The following CNTNAP2 variants were observed in gnomAD, a reference collection of about 807,000 sequenced individuals.
CNTNAP2 encodes the protein contactin associated protein 2, also known as contactin-associated protein-like 2.
Under a neutral mutation model 155.2 loss-of-function variants are expected in CNTNAP2, and 98 were observed. The observed-to-expected ratio is 0.63, with a 90% CI of 0.54 to 0.75. CNTNAP2 has a LOEUF of 0.75. Among genes scored for constraint, CNTNAP2 ranks in the 30% least tolerant of loss-of-function variants. The probability of loss-of-function intolerance (pLI) is 0.00; values close to 1 mark genes in which losing one functional copy is unlikely to be tolerated. For synonymous variants in CNTNAP2, 651 were observed against 631.2 expected (o/e 1.03, Z -0.47); for missense variants, 1,727 against 1,688.1 (o/e 1.02, Z -0.40).
intron 1 of CNTNAP2, among the ~76,000 whole-genome samples, chr7:146,622,231 ATATG>A (rs1226442520): frequency 6.8e-6 from 1 of 146,490 alleles, no homozygotes; most frequent in African/African-American, 2.5e-5. Flanking sequence ...GTGTATATAT[ATATG>A]TGTGTGTATA....
At chr7:147,409,900 TAAC>T (rs1797074606) in intron 10 of CNTNAP2, among the ~76,000 whole-genome samples, 4 of 151,206 alleles carry the variant, frequency 2.6e-5, no homozygotes, top group Non-Finnish European at 1.5e-5. Flanking sequence ...CGTCAGAAAA[TAAC>T]AAATACTGGC....
At chr7:148,375,485 G>C (rs1197457049) in intron 21 of CNTNAP2, among the ~76,000 whole-genome samples, 1 of 150,242 alleles carries the variant, frequency 6.7e-6, no homozygotes, top group Non-Finnish European at 1.5e-5. Context: ...TCAGCCTCCC[G>C]AGTAGCTGGG....
At chr7:148,006,258 C>A (rs1416744024) in intron 15 of CNTNAP2, among the ~76,000 whole-genome samples, 1 of 151,304 alleles carries the variant, frequency 6.6e-6, no homozygotes, top group East Asian at 1.9e-4. Flanking sequence ...AAAAACAATA[C>A]TCTGTGAGAA....
chr7:148,142,298 C>A (rs989091681), intron 16 of CNTNAP2, among the ~76,000 whole-genome samples: 1 of 151,980 alleles, frequency 6.6e-6, no homozygotes, highest in Non-Finnish European at 1.5e-5. Context: ...ATTCCCATGG[C>A]GACCTTATTT....
At chr7:146,999,328 A>G (rs763450620) in intron 3 of CNTNAP2, among the ~76,000 whole-genome samples, 13 of 150,976 alleles carry the variant, frequency 8.6e-5, no homozygotes, top group Non-Finnish European at 1.8e-4. Flanking sequence ...TTTTGATGTC[A>G]CAATTTACAT....
intron 1 of CNTNAP2, among the ~76,000 whole-genome samples, chr7:146,693,376 A>T (rs1291593034): frequency 1.3e-5 from 2 of 152,060 alleles, no homozygotes; most frequent in Non-Finnish European, 2.9e-5. Flanking sequence ...AATTTATTCA[A>T]TCAAAATTTT....
At chr7:146,524,866 G>A (rs567979700) in intron 1 of CNTNAP2, among the ~76,000 whole-genome samples, 1 of 152,006 alleles carries the variant, frequency 6.6e-6, no homozygotes, top group Non-Finnish European at 1.5e-5. Context: ...CATTATTTCA[G>A]TTAAGGAGAG....
intron 8 of CNTNAP2, among the ~76,000 whole-genome samples, chr7:147,256,338 G>C (rs185335470): frequency 1.3e-5 from 2 of 152,046 alleles, no homozygotes. Context: ...AAAGCCTACC[G>C]AAGGGGTGTT....
intron 13 of CNTNAP2, among the ~76,000 whole-genome samples, chr7:147,647,487 C>T (rs76612561): frequency 0.011 from 1,670 of 152,278 alleles, 33 homozygotes; most frequent in African/African-American, 0.038. Context: ...TTCTTACCCA[C>T]GGTGATCACC....
At chr7:146,617,943 A>G (rs1799253943) in intron 1 of CNTNAP2, among the ~76,000 whole-genome samples, 1 of 152,198 alleles carries the variant, frequency 6.6e-6, no homozygotes, top group Non-Finnish European at 1.5e-5. Context: ...CCTGATTTAA[A>G]ATAATATATA....
chr7:147,199,022 C>T lies in CNTNAP2; in HGVS notation c.1348+66513C>T, dbSNP rs1310988601. The stretch of plus-strand genomic sequence containing the variant: ...TGTCACCCAGGCTGGAGTGCAATGG[C>T]GTGGTCTCAGCTCACTGCAACCTTC... On this transcript the variant is annotated intron_variant, in intron 8 of 23. Transcript: ENST00000361727. 3.4e-4 allele frequency among the ~76,000 whole-genome samples: 48 copies of T among 139,520 alleles called. 1 individual carries two copies. The highest frequency in any genetic ancestry group is 3.0e-5 in the Non-Finnish European group (2 of 66,538). 91.5% of individuals were successfully genotyped at this position (139,520 alleles called of 152,430 possible).
At chr7:147,007,706 A>G (rs1584779793) in intron 3 of CNTNAP2, among the ~76,000 whole-genome samples, 1 of 152,022 alleles carries the variant, frequency 6.6e-6, no homozygotes, top group African/African-American at 2.4e-5. Flanking sequence ...TTCAGCTTTC[A>G]TAAAATTAAA....
chr7:146,279,952 TTAC>T (rs141346815), intron 1 of CNTNAP2, among the ~76,000 whole-genome samples: 1 of 151,980 alleles, frequency 6.6e-6, no homozygotes, highest in African/African-American at 2.4e-5. Context: ...GAATTATAAA[TTAC>T]TATACGTATC....
At chr7:146,298,290 G>C (rs1800548452) in intron 1 of CNTNAP2, among the ~76,000 whole-genome samples, 1 of 152,118 alleles carries the variant, frequency 6.6e-6, no homozygotes, top group South Asian at 2.1e-4. Context: ...AGTCTATACT[G>C]TTCACAGTGC....
At chr7:147,369,334 A>C (rs991451059) in intron 9 of CNTNAP2, among the ~76,000 whole-genome samples, 1 of 152,198 alleles carries the variant, frequency 6.6e-6, no homozygotes, top group Non-Finnish European at 1.5e-5. Flanking sequence ...GTCTCCCCCA[A>C]GCTAAACGTG....
chr7:146,882,520 C>T lies in CNTNAP2; in HGVS notation c.402+42616C>T, dbSNP rs58757370. Reference sequence around the variant, plus strand: ...TAAAGGCCTTTCCCCCCTCTTCACCCTGCATTTCTCTCTCCTGCCACCATG... The same window carrying T: ...TAAAGGCCTTTCCCCCCTCTTCACCTTGCATTTCTCTCTCCTGCCACCATG... On this transcript the variant is annotated intron_variant, in intron 3 of 23. Transcript: ENST00000361727. 3.3e-3 allele frequency among the ~76,000 whole-genome samples: 505 copies of T among 152,166 alleles called. 2 individuals carry two copies. Among genetic ancestry groups the T allele is most frequent in the African/African-American group, 0.012 (487 of 41,542 alleles).
At chr7:148,271,385 G>A (rs908385140) in intron 21 of CNTNAP2, among the ~76,000 whole-genome samples, 1 of 152,188 alleles carries the variant, frequency 6.6e-6, no homozygotes, top group Non-Finnish European at 1.5e-5. Context: ...GATATAAGTA[G>A]CACCCCAAGT....
intron 1 of CNTNAP2, among the ~76,000 whole-genome samples, chr7:146,399,134 T>C (rs1289301113): frequency 6.6e-6 from 1 of 152,174 alleles, no homozygotes; most frequent in Admixed American, 6.5e-5. Flanking sequence ...CATTGTAGAA[T>C]GGATAAATAA....
chr7:147,226,726 G>T (rs948936631), intron 8 of CNTNAP2, among the ~76,000 whole-genome samples: 2 of 152,114 alleles, frequency 1.3e-5, no homozygotes, highest in African/African-American at 4.8e-5. Context: ...GATTTTCCCA[G>T]AACTATCCTC....
Sources: allele counts gnomAD v4.1 joint callset (sites outside exome capture counted in the v4.1 genomes callset), GRCh38; gene constraint gnomAD v4.1.1; transcripts MANE v1.5; gene names NCBI Gene and HGNC (gene_info 2026-07-23, HGNC 2026-07-21).